OR2I1: variants seen among roughly 807,000 people sequenced by gnomAD.
The protein encoded by OR2I1 is olfactory receptor family 2 subfamily I member 1 (gene/pseudogene), also known as putative olfactory receptor 2I1.
chr6:29,553,426 GC>G, the OR2I1 span: 2 of 398,872 alleles, frequency 5.0e-6, no homozygotes, highest in Non-Finnish European at 8.8e-6. Context: ...CTTGGTAGAC[GC>G]GGGCTTCACT....
the OR2I1 span, chr6:29,553,945 T>A: frequency 1.0e-5 from 4 of 398,732 alleles, no homozygotes; most frequent in East Asian, 1.4e-4. Flanking sequence ...CACGTGTGGG[T>A]CCCACCTGAC....
At chr6:29,553,286 A>G in the OR2I1 span, 1 of 399,062 alleles carries the variant, frequency 2.5e-6, no homozygotes, top group Non-Finnish European at 4.4e-6. Context: ...CCTTCCCTGC[A>G]GCCGGTCCTC....
At chr6:29,554,351 A>C in the OR2I1 span, 1 of 394,046 alleles carries the variant, frequency 2.5e-6, no homozygotes, top group Non-Finnish European at 4.5e-6. Context: ...GAAAATCCCT[A>C]AATCCTCTAT....
chr6:29,550,967 G>A, the OR2I1 span: 1 of 152,228 alleles, frequency 6.6e-6, no homozygotes, highest in East Asian at 1.9e-4. Context: ...TTTCACAACA[G>A]ATTTGTCTTC....
At chr6:29,553,328 C>A in the OR2I1 span, 1 of 399,562 alleles carries the variant, frequency 2.5e-6, no homozygotes, top group Admixed American at 4.4e-5. Context: ...TACCTCCTGA[C>A]CTTGACGGGC....
chr6:29,551,852 T>C, the OR2I1 span, among the ~76,000 whole-genome samples: 1 of 152,244 alleles, frequency 6.6e-6, no homozygotes, highest in African/African-American at 2.4e-5. Flanking sequence ...TTCTTAATTA[T>C]GACATTAATG....
the OR2I1 span, chr6:29,555,193 T>C: frequency 2.0e-5 from 3 of 152,232 alleles, no homozygotes; most frequent in African/African-American, 7.2e-5. Flanking sequence ...CTGTGGAAAA[T>C]ACCTTTCCTT....
chr6:29,557,350 CT>C, the OR2I1 span: 13 of 152,192 alleles, frequency 8.5e-5, no homozygotes, highest in Non-Finnish European at 1.3e-4. Flanking sequence ...GGACAAAAGA[CT>C]GATTTCAGTA....
chr6:29,556,486 C>A, the OR2I1 span: 1 of 613,064 alleles, frequency 1.6e-6, no homozygotes. Flanking sequence ...GTGTCCCTCT[C>A]TTTCTTGGAA....
the OR2I1 span, chr6:29,555,249 A>C: frequency 3.3e-5 from 5 of 152,270 alleles, no homozygotes; most frequent in Non-Finnish European, 5.9e-5. Context: ...GTTGGGTGTG[A>C]GACATAGAGA....
At chr6:29,550,452 G>T in the OR2I1 span, 2 of 152,060 alleles carry the variant, frequency 1.3e-5, no homozygotes, top group African/African-American at 4.8e-5. Context: ...GTGTCCTTTA[G>T]ATCCAGGAGG....
chr6:29,555,955 A>C, the OR2I1 span: 1 of 1,613,000 alleles, frequency 6.2e-7, no homozygotes, highest in Non-Finnish European at 8.5e-7. Context: ...TCATCTTCCC[A>C]TCTTCCAGTC....
At chr6:29,551,384 AAG>A in the OR2I1 span, among the ~76,000 whole-genome samples, 1 of 152,218 alleles carries the variant, frequency 6.6e-6, no homozygotes, top group Non-Finnish European at 1.5e-5. Flanking sequence ...AAGGACCTCG[AAG>A]TTAGTCAAAT....
At chr6:29,555,869 G>C in the OR2I1 span, 894,832 of 1,605,994 alleles carry the variant, frequency 0.56, 255,129 homozygotes, top group South Asian at 0.76. Flanking sequence ...AACACCCCAT[G>C]CCCAGGGTGG....
chr6:29,551,565 G>C, the OR2I1 span, among the ~76,000 whole-genome samples: 3 of 152,178 alleles, frequency 2.0e-5, no homozygotes, highest in Non-Finnish European at 4.4e-5. Flanking sequence ...CATAGCAGTT[G>C]TATCACTGCC....
chr6:29,556,306 G>T, the OR2I1 span: 1 of 1,612,730 alleles, frequency 6.2e-7, no homozygotes, highest in South Asian at 1.1e-5. Context: ...CATATGGGTT[G>T]GCATCAAAGG....
At chr6:29,553,526 C>A in the OR2I1 span, 1 of 398,614 alleles carries the variant, frequency 2.5e-6, no homozygotes, top group Non-Finnish European at 4.4e-6. Flanking sequence ...CTGTGCGCAT[C>A]GCTGGCTCTG....
the OR2I1 span, chr6:29,553,586 C>A: frequency 2.5e-6 from 1 of 398,364 alleles, no homozygotes; most frequent in Middle Eastern, 6.3e-4. Flanking sequence ...GACCGCGCGG[C>A]CGCAGTGTGC....
chr6:29,550,901 C>T, the OR2I1 span: 8 of 152,124 alleles, frequency 5.3e-5, no homozygotes, highest in African/African-American at 1.9e-4. Flanking sequence ...TGGTCTTGTG[C>T]CGAGAGCCAC....
Sources: gnomAD v4.1 joint callset for allele counts (sites outside exome capture counted in the v4.1 genomes callset) on GRCh38, gnomAD v4.1.1 for gene constraint, MANE v1.5 for transcripts, NCBI Gene and HGNC (gene_info 2026-07-23, HGNC 2026-07-21) for gene names.